TBC1D9: variants seen among roughly 807,000 people sequenced by gnomAD.
The protein encoded by TBC1D9 is TBC1 domain family member 9.
TBC1D9 carries 63 observed loss-of-function variants against 132.0 expected under a neutral mutation model. The observed-to-expected ratio is 0.48, with a 90% CI of 0.39 to 0.59. TBC1D9 has a LOEUF of 0.59. TBC1D9 is among the 20% of genes least tolerant of loss of function. TBC1D9 has a pLI of 0.00. For missense variants in TBC1D9, 1,261 were observed against 1,592.7 expected, an observed-to-expected ratio of 0.79 and a Z score of 3.54; for synonymous variants, 610 against 609.9, an observed-to-expected ratio of 1.00 and a Z score of 0.00.
chr4:140,700,637 A>G lies in TBC1D9; in HGVS notation c.241+867T>C, dbSNP rs527341666. Among the ~76,000 whole-genome samples, 626 of 151,922 alleles carry G rather than the reference A, an allele frequency of 4.1e-3. 2 individuals are homozygous for G. Among genetic ancestry groups the G allele is most frequent in the Non-Finnish European group, 7.3e-3 (499 of 67,966 alleles). ...GGAGTTCGAGACCAGCCTGGCCAAC[A>G]TGGTGAAACCCCATCTCTAGTAAAA... On this transcript the variant is annotated intron_variant, in intron 2 of 20. Coordinates refer to ENST00000442267, the MANE Select transcript of TBC1D9 (RefSeq NM_015130.3).
rs528273379 is a variant in TBC1D9 at position 140,654,279 on chromosome 4, AT to A, written c.2337+2817del. Among the ~76,000 whole-genome samples the A allele has an allele frequency of 2.0e-4, 31 of 152,142 alleles. No homozygotes were observed. In the South Asian group the frequency reaches 5.8e-3, roughly 29 times the overall value. ...CTAATCCCGGTTGGCTAAACATTTG[AT>A]TTTTTTAGATAGGGTGGGTAAGTAA... On this transcript the variant is annotated intron_variant, in intron 13 of 20. Transcript: ENST00000442267.
At chr4:140,671,948 C>T (rs1037269060) in intron 6 of TBC1D9, among the ~76,000 whole-genome samples, 4 of 152,100 alleles carry the variant, frequency 2.6e-5, no homozygotes, top group South Asian at 2.1e-4. Context: ...CTACTGCAAG[C>T]AGTCTAGACA....
At chr4:140,639,020 T>A in intron 15 of TBC1D9, 66 bp downstream of exon 15, 1 of 1,177,106 alleles carries the variant, frequency 8.5e-7, no homozygotes, top group African/African-American at 1.5e-5. Context: ...AATCAAGAAC[T>A]AACTGAATTA....
chr4:140,689,437 T>A (rs1578841841), intron 2 of TBC1D9, among the ~76,000 whole-genome samples: 1 of 41,808 alleles, frequency 2.4e-5, no homozygotes, highest in African/African-American at 1.1e-4. Context: ...TCCCTTCCCC[T>A]CCCATTCCTT....
At chr4:140,660,146 C>A (rs1220161636) in intron 10 of TBC1D9, among the ~76,000 whole-genome samples, 3 of 152,220 alleles carry the variant, frequency 2.0e-5, no homozygotes, top group African/African-American at 7.2e-5. Flanking sequence ...GTACACATGG[C>A]TCCAGGCTCT....
rs141275880 is a variant in TBC1D9, at chr4:140,621,116, G to C, written c.*1079C>G. ...CATTTCCACATCCATTCAGGAAATA[G>C]AGCATACTATTCTTTTATATAAAGT... On this transcript the variant is annotated 3_prime_UTR_variant, in exon 21 of 21. Coordinates refer to ENST00000442267, the MANE Select transcript of TBC1D9 (RefSeq NM_015130.3). 655 of 152,734 alleles carry C rather than the reference G, an allele frequency of 4.3e-3. 4 individuals carry two copies. Among genetic ancestry groups the C allele is most frequent in the African/African-American group, 0.015 (638 of 41,574 alleles). The allele number at this position is 152,734 out of a possible 1,614,324, so 9.5% of individuals were successfully genotyped here. A position where few individuals can be genotyped will look rare whatever the true frequency, so the allele number is the denominator to read the frequency against.
intron 7 of TBC1D9, 198 bp downstream of exon 7, chr4:140,670,522 C>T (rs1737518664): frequency 1.8e-6 from 1 of 567,256 alleles, no homozygotes; most frequent in Non-Finnish European, 3.1e-6. Flanking sequence ...AAGTGTTATT[C>T]CAGGTGATCT....
At chr4:140,697,509 T>C (rs1472059473) in intron 2 of TBC1D9, among the ~76,000 whole-genome samples, 1 of 152,210 alleles carries the variant, frequency 6.6e-6, no homozygotes, top group Non-Finnish European at 1.5e-5. Flanking sequence ...AATCAATATA[T>C]ACAAAAACTA....
At chr4:140,660,366 A>T (rs1280934843) in intron 10 of TBC1D9, among the ~76,000 whole-genome samples, 1 of 152,228 alleles carries the variant, frequency 6.6e-6, no homozygotes, top group Non-Finnish European at 1.5e-5. Context: ...GGTAAATATG[A>T]ACTTTATCAT....
At chr4:140,643,099 G>A in intron 13 of TBC1D9, 3 of 1,387,952 alleles carry the variant, frequency 2.2e-6, no homozygotes, top group African/African-American at 1.4e-5. Context: ...GCTCCCGTGG[G>A]AGCCGCAGGT....
chr4:140,667,040 A>G (rs1433254938), intron 9 of TBC1D9, among the ~76,000 whole-genome samples: 1 of 152,078 alleles, frequency 6.6e-6, no homozygotes, highest in Admixed American at 6.6e-5. Context: ...TTGTCATCTG[A>G]CCTGCATTTC....
chr4:140,643,658 G>C, intron 13 of TBC1D9: 1 of 1,101,560 alleles, frequency 9.1e-7, no homozygotes, highest in Non-Finnish European at 1.3e-6. Context: ...GCTCCTCCTT[G>C]GCCTCCACTA....
At chr4:140,694,479 G>A (rs548244321) in intron 2 of TBC1D9, among the ~76,000 whole-genome samples, 46 of 151,538 alleles carry the variant, frequency 3.0e-4, no homozygotes, top group African/African-American at 1.1e-3. Flanking sequence ...GGTGAGGCAG[G>A]AGAATCACCT....
chr4:140,633,737 G>A (rs771658479), intron 16 of TBC1D9, among the ~76,000 whole-genome samples: 41 of 152,092 alleles, frequency 2.7e-4, no homozygotes, highest in Non-Finnish European at 5.4e-4. Context: ...ATTGTCTTGT[G>A]AATTCTCTAA....
chr4:140,657,178 A>T lies in TBC1D9; in HGVS notation c.2256T>A (p.Pro752=). The T allele has an allele frequency of 6.2e-7, 1 of 1,613,912 alleles. No individual in the cohort carries two copies. Among genetic ancestry groups the T allele is most frequent in the Non-Finnish European group, 8.5e-7 (1 of 1,179,842 alleles). ...CATCGCTGAGCAAGGAGTGGAGGTG[A>T]GGAATGGGAGGCAGTGTGCTGTCTT... is the stretch of plus-strand genomic sequence containing the variant. ...TNKDSTLPPI[P]HLHSLLSDDV... The change falls in exon 13 of 21, where the codon CCT becomes CCA. Residue 752 remains proline (P), a synonymous_variant. Coordinates refer to ENST00000442267, the MANE Select transcript of TBC1D9 (RefSeq NM_015130.3).
At chr4:140,627,075 A>G (rs528687402) in intron 18 of TBC1D9, among the ~76,000 whole-genome samples, 15 of 152,384 alleles carry the variant, frequency 9.8e-5, no homozygotes, top group African/African-American at 3.4e-4. Flanking sequence ...CTTCTGCTAT[A>G]GAGCAAACAC....
intron 1 of TBC1D9, among the ~76,000 whole-genome samples, chr4:140,730,866 T>C (rs183963892): frequency 2.6e-5 from 4 of 152,314 alleles, no homozygotes; most frequent in Admixed American, 2.0e-4. Flanking sequence ...CACTCTAAAA[T>C]GGAGAATCCT....
chr4:140,661,826 C>A, intron 10 of TBC1D9, 67 bp downstream of exon 10: 1 of 1,363,324 alleles, frequency 7.3e-7, no homozygotes, highest in East Asian at 2.5e-5. Context: ...TTCCTTCCCA[C>A]TATTTGCTGC....
At chr4:140,623,910 AT>A (rs1343966885) in intron 20 of TBC1D9, among the ~76,000 whole-genome samples, 2 of 152,172 alleles carry the variant, frequency 1.3e-5, no homozygotes, top group African/African-American at 2.4e-5. Flanking sequence ...TGTGGTTCAC[AT>A]TTCCTCTGAG....
Sources: allele counts gnomAD v4.1 joint callset (sites outside exome capture counted in the v4.1 genomes callset), GRCh38; gene constraint gnomAD v4.1.1; transcripts MANE v1.5; gene names NCBI Gene and HGNC (gene_info 2026-07-23, HGNC 2026-07-21).